The following DESI2 variants were observed in gnomAD, a reference collection of about 807,000 sequenced individuals.
DESI2 encodes deubiquitinase DESI2.
A neutral mutation model predicts 24.1 loss-of-function variants in DESI2; 10 were observed. That is an observed-to-expected ratio of 0.41 (90% CI 0.26 to 0.70). DESI2 has a LOEUF of 0.70. Among genes scored for constraint, DESI2 ranks in the 30% least tolerant of loss-of-function variants. The probability of loss-of-function intolerance (pLI) is 0.29; values close to 1 mark genes in which losing one functional copy is unlikely to be tolerated. For synonymous variants in DESI2, 71 were observed against 87.7 expected (o/e 0.81, Z 1.06); for missense variants, 122 against 234.9 (o/e 0.52, Z 3.14).
At chr1:244,667,325 G>T (rs1676080938) in intron 1 of DESI2, among the ~76,000 whole-genome samples, 1 of 152,104 alleles carries the variant, frequency 6.6e-6, no homozygotes, top group African/African-American at 2.4e-5. Flanking sequence ...CATTCCAAAT[G>T]GGAGAAATTG....
chr1:244,673,207 C>CT (rs985226826), intron 1 of DESI2, among the ~76,000 whole-genome samples: 1 of 152,152 alleles, frequency 6.6e-6, no homozygotes, highest in African/African-American at 2.4e-5. Context: ...GGCGTGTTCT[C>CT]TAATAATAGA....
intron 3 of DESI2, among the ~76,000 whole-genome samples, chr1:244,690,661 C>T (rs1043878160): frequency 2.0e-5 from 3 of 150,346 alleles, no homozygotes; most frequent in Non-Finnish European, 3.0e-5. Flanking sequence ...GCTGAGGTCG[C>T]GCCATTGCAC....
intron 1 of DESI2, among the ~76,000 whole-genome samples, chr1:244,655,764 T>C (rs1252208680): frequency 6.6e-6 from 1 of 152,098 alleles, no homozygotes; most frequent in Non-Finnish European, 1.5e-5. Context: ...ATGGCAGGAA[T>C]AGGGAAAGCG....
chr1:244,682,560 C>G (rs11588605), intron 1 of DESI2, among the ~76,000 whole-genome samples: 35,816 of 151,954 alleles, frequency 0.24, 4,274 homozygotes, highest in South Asian at 0.33. Context: ...CTGGTTTTTT[C>G]TTCTTTTTCT....
intron 1 of DESI2, among the ~76,000 whole-genome samples, chr1:244,674,145 C>T (rs1352258687): frequency 6.6e-6 from 1 of 151,998 alleles, no homozygotes; most frequent in Non-Finnish European, 1.5e-5. Flanking sequence ...CAGGCGTCCG[C>T]CACCACGCCC....
At chr1:244,699,948 C>G (rs1677378988) in intron 4 of DESI2, among the ~76,000 whole-genome samples, 1 of 152,238 alleles carries the variant, frequency 6.6e-6, no homozygotes, top group African/African-American at 2.4e-5. Context: ...CCTGCACTTC[C>G]CACACGGAAC....
intron 4 of DESI2, among the ~76,000 whole-genome samples, chr1:244,696,867 ACTCTGG>A (rs1442560486): frequency 6.6e-6 from 1 of 151,508 alleles, no homozygotes; most frequent in Admixed American, 6.6e-5. Context: ...TCCCTCTGGG[ACTCTGG>A]GATTTTGGCA....
At chr1:244,666,963 A>C (rs1676068151) in intron 1 of DESI2, among the ~76,000 whole-genome samples, 1 of 152,132 alleles carries the variant, frequency 6.6e-6, no homozygotes. Flanking sequence ...TATCACGAGA[A>C]TAGCATGGTA....
intron 4 of DESI2, among the ~76,000 whole-genome samples, chr1:244,701,215 ACCCCCCCCCC>A (rs71587007): frequency 7.6e-5 from 1 of 13,120 alleles, no homozygotes; most frequent in Non-Finnish European, 1.3e-4. Context: ...CTTCCCCTCC[ACCCCCCCCCC>A]CCCCCCCCCG....
intron 1 of DESI2, among the ~76,000 whole-genome samples, chr1:244,668,007 A>G (rs1276860708): frequency 6.6e-6 from 1 of 152,246 alleles, no homozygotes; most frequent in African/African-American, 2.4e-5. Context: ...AGTACATTTT[A>G]GAGTGACATC....
At chr1:244,666,105 G>T (rs776808495) in intron 1 of DESI2, among the ~76,000 whole-genome samples, 1 of 151,904 alleles carries the variant, frequency 6.6e-6, no homozygotes, top group Non-Finnish European at 1.5e-5. Flanking sequence ...CCCACTCTCC[G>T]AGACAACTAC....
intron 4 of DESI2, among the ~76,000 whole-genome samples, chr1:244,704,557 C>T (rs545219373): frequency 6.6e-5 from 10 of 152,122 alleles, no homozygotes; most frequent in South Asian, 2.1e-4. Context: ...TATTCTATCC[C>T]GCTAGTGTCT....
intron 1 of DESI2, among the ~76,000 whole-genome samples, chr1:244,662,861 T>G (rs1675896369): frequency 6.6e-6 from 1 of 152,164 alleles, no homozygotes; most frequent in Non-Finnish European, 1.5e-5. Flanking sequence ...TGCTACCTGT[T>G]AAGTAAATGT....
intron 1 of DESI2, among the ~76,000 whole-genome samples, chr1:244,661,428 A>T (rs1675836782): frequency 1.3e-5 from 2 of 151,936 alleles, no homozygotes; most frequent in Non-Finnish European, 2.9e-5. Context: ...TTATTATTAT[A>T]CTTTAAGTTC....
At position 244,699,578 on chromosome 1, in the gene DESI2, C is replaced by CAAAAAAAAAAA. The variant is rs559295405; in HGVS notation, c.352-5950_352-5940dup. Among the ~76,000 whole-genome samples, 27 of 66,216 alleles carry CAAAAAAAAAAA rather than the reference C, an allele frequency of 4.1e-4. 1 individual carries two copies. Among genetic ancestry groups the CAAAAAAAAAAA allele is most frequent in the African/African-American group, 6.2e-4 (12 of 19,290 alleles). 43.4% of individuals were successfully genotyped at this position (66,216 alleles called of 152,430 possible). On this transcript the variant is annotated intron_variant, in intron 4 of 4. Transcript: ENST00000302550. ...GCCTAGCAACAGAGTGAGACTGTCT[C>CAAAAAAAAAAA]AAAAAAAAAAAAAAAAAAAAAAAAA...
chr1:244,656,683 G>C (rs1675658122), intron 1 of DESI2, among the ~76,000 whole-genome samples: 2 of 152,132 alleles, frequency 1.3e-5, no homozygotes, highest in South Asian at 4.1e-4. Flanking sequence ...TGCTTTTCAG[G>C]TTATCTTGAC....
intron 1 of DESI2, among the ~76,000 whole-genome samples, chr1:244,682,258 A>G (rs1205320301): frequency 1.3e-5 from 2 of 152,122 alleles, no homozygotes; most frequent in African/African-American, 4.8e-5. Context: ...TCCATTTTAC[A>G]GAGTGCTGAT....
chr1:244,686,875 C>T (rs1342556926), intron 2 of DESI2, among the ~76,000 whole-genome samples: 1 of 152,136 alleles, frequency 6.6e-6, no homozygotes, highest in Non-Finnish European at 1.5e-5. Flanking sequence ...ACTCAAAATA[C>T]AAGAATATAC....
At chr1:244,671,558 C>G (rs1395421946) in intron 1 of DESI2, among the ~76,000 whole-genome samples, 2 of 152,158 alleles carry the variant, frequency 1.3e-5, no homozygotes, top group African/African-American at 4.8e-5. Context: ...AAAAAGCCAA[C>G]TTCTAGGGCT....
Sources: gnomAD v4.1 joint callset for allele counts (sites outside exome capture counted in the v4.1 genomes callset) on GRCh38, gnomAD v4.1.1 for gene constraint, MANE v1.5 for transcripts, NCBI Gene and HGNC (gene_info 2026-07-23, HGNC 2026-07-21) for gene names.